The following GLDC variants were observed in gnomAD, a reference collection of about 807,000 sequenced individuals.
The protein encoded by GLDC is glycine dehydrogenase (decarboxylating), mitochondrial.
Under a neutral mutation model 121.3 loss-of-function variants are expected in GLDC, and 104 were observed. The ratio of observed to expected loss-of-function variants is 0.86; its 90% CI spans 0.73 to 1.01. GLDC has a LOEUF of 1.01. GLDC is among the 50% of genes least tolerant of loss of function. GLDC has a pLI of 0.00. For synonymous variants in GLDC, 546 were observed against 480.6 expected, an observed-to-expected ratio of 1.14 and a Z score of -1.78; for missense variants, 1,429 against 1,306.6, an observed-to-expected ratio of 1.09 and a Z score of -1.44.
chr9:6,618,501 T>G (rs1819009930), intron 3 of GLDC, among the ~76,000 whole-genome samples: 3 of 152,000 alleles, frequency 2.0e-5, no homozygotes, highest in South Asian at 4.2e-4. Context: ...GAGACAGGGT[T>G]TTTCCATGTT....
chr9:6,611,767 G>A (rs989668611), intron 3 of GLDC, among the ~76,000 whole-genome samples: 1 of 152,088 alleles, frequency 6.6e-6, no homozygotes, highest in African/African-American at 2.4e-5. Context: ...TATATCTTGT[G>A]CCTGTCTTTA....
intron 21 of GLDC, among the ~76,000 whole-genome samples, chr9:6,543,888 CA>C (rs1817326462): frequency 1.4e-5 from 2 of 147,992 alleles, no homozygotes; most frequent in South Asian, 2.1e-4. Context: ...GCAAGGAGGA[CA>C]GGAGGGGGGG....
chr9:6,566,905 A>G (rs1817865560), intron 15 of GLDC, among the ~76,000 whole-genome samples: 1 of 152,196 alleles, frequency 6.6e-6, no homozygotes, highest in South Asian at 2.1e-4. Flanking sequence ...GCACACAAAG[A>G]AACTGAGGTC....
intron 9 of GLDC, among the ~76,000 whole-genome samples, chr9:6,593,268 G>GATATATATATATATTTATATATATAT (rs1818414151): frequency 6.9e-6 from 1 of 143,918 alleles, no homozygotes; most frequent in African/African-American, 2.6e-5. Flanking sequence ...GGTAGTATCA[G>GATATATATATATATTTATATATATAT]ATATATATAT....
chr9:6,569,271 G>A (rs1817908013), intron 15 of GLDC: 1 of 152,182 alleles, frequency 6.6e-6, no homozygotes, highest in South Asian at 2.1e-4. Context: ...TGGAACGGGA[G>A]TTCAAAGAAA....
intron 21 of GLDC, among the ~76,000 whole-genome samples, chr9:6,545,728 A>C (rs1240055726): frequency 6.6e-6 from 1 of 151,518 alleles, no homozygotes; most frequent in Non-Finnish European, 1.5e-5. Flanking sequence ...GCAGCCTCCT[A>C]TTCCTGGGTT....
At chr9:6,633,689 G>A (rs181952340) in intron 2 of GLDC, among the ~76,000 whole-genome samples, 1 of 152,218 alleles carries the variant, frequency 6.6e-6, no homozygotes, top group East Asian at 1.9e-4. Flanking sequence ...GGAAGGCCAA[G>A]GAGGGTGGAT....
chr9:6,639,330 G>C (rs1050187065), intron 2 of GLDC: 2 of 933,960 alleles, frequency 2.1e-6, no homozygotes, highest in East Asian at 2.4e-5. Context: ...ATCCTCGGAA[G>C]AGCGCCCCCA....
At chr9:6,590,014 C>G (rs1818346065) in intron 11 of GLDC, among the ~76,000 whole-genome samples, 1 of 151,650 alleles carries the variant, frequency 6.6e-6, no homozygotes, top group Non-Finnish European at 1.5e-5. Context: ...GAGATCATGC[C>G]ACTGCACGCC....
intron 8 of GLDC, among the ~76,000 whole-genome samples, chr9:6,600,667 T>A (rs1388521689): frequency 6.7e-6 from 1 of 150,358 alleles, no homozygotes; most frequent in African/African-American, 2.5e-5. Context: ...AACAGGACTC[T>A]ATCTCAAAGA....
At chr9:6,586,028 G>A (rs1196676092) in intron 15 of GLDC, among the ~76,000 whole-genome samples, 1 of 152,130 alleles carries the variant, frequency 6.6e-6, no homozygotes, top group Non-Finnish European at 1.5e-5. Context: ...AGGCGTGGTG[G>A]CTCACACCTG....
At chr9:6,583,027 T>A (rs933459006) in intron 15 of GLDC, among the ~76,000 whole-genome samples, 29 of 152,258 alleles carry the variant, frequency 1.9e-4, no homozygotes, top group African/African-American at 5.5e-4. Context: ...ACTTCACACC[T>A]ACCAGAATTG....
In GLDC at chr9:6,579,203, G is replaced by C. The variant is rs184852581; in HGVS notation, c.1850+7938C>G. Among the ~76,000 whole-genome samples, 304 of 152,162 alleles carry C rather than the reference G, an allele frequency of 2.0e-3. 2 individuals carry two copies. Among genetic ancestry groups the C allele is most frequent in the African/African-American group, 7.0e-3 (291 of 41,524 alleles). ...TTTCACTGGATCTTTCAAATAATCA[G>C]TTTTTGTATTTATTAATCCTTGTGA... On this transcript the variant is annotated intron_variant, in intron 15 of 24. Transcript: ENST00000321612.
At chr9:6,635,293 A>T (rs931111005) in intron 2 of GLDC, among the ~76,000 whole-genome samples, 1 of 152,190 alleles carries the variant, frequency 6.6e-6, no homozygotes, top group African/African-American at 2.4e-5. Flanking sequence ...CAGATGGAGG[A>T]AGCTGTAGAA....
In GLDC at chr9:6,639,668, A is replaced by AAAAAATATATATATATATATATATAT; in HGVS notation, c.334+4945_334+4946insATATATATATATATATATATATTTTT. ...ATATATCTTTTCACCATAAAAAAAA[A>AAAAAATATATATATATATATATATAT]GTATATATATATATATATATGGACA... On this transcript the variant is annotated intron_variant, in intron 2 of 24. Coordinates refer to ENST00000321612, the MANE Select transcript of GLDC (RefSeq NM_000170.3). The AAAAAATATATATATATATATATATAT allele has an allele frequency of 1.6e-4, 39 of 250,588 alleles. 1 individual carries two copies. Among genetic ancestry groups the AAAAAATATATATATATATATATATAT allele is most frequent in the Admixed American group, 9.8e-4 (15 of 15,328 alleles). 15.5% of individuals were successfully genotyped at this position (250,588 alleles called of 1,614,324 possible).
intron 21 of GLDC, among the ~76,000 whole-genome samples, chr9:6,548,862 C>T (rs1223871424): frequency 6.6e-6 from 1 of 152,114 alleles, no homozygotes; most frequent in African/African-American, 2.4e-5. Context: ...TTTGCTCTCC[C>T]TTCTCACAGC....
intron 2 of GLDC, among the ~76,000 whole-genome samples, chr9:6,634,877 C>A (rs1359224836): frequency 6.6e-6 from 1 of 152,178 alleles, no homozygotes; most frequent in East Asian, 1.9e-4. Flanking sequence ...CTGCAAAACA[C>A]AGGATCAATC....
Position 6,588,702 on chromosome 9 carries a change from G to T in GLDC, c.1581C>A (p.Ser527Arg). Residue 527 changes from serine (S) to arginine (R), a missense_variant and splice_region_variant, in exon 13 of 25, where the codon AGC (serine) becomes AGA (arginine). Transcript: ENST00000321612. ...SPFLTHQVFN[S>R]YHSETNIVRY... is the part of the protein sequence containing the mutation. ...GGACAATGTTTGTTTCAGAGTGGTA[G>T]CTGTGAACACAAAACACAGAATTAG... 1 of 1,607,432 alleles carries T rather than the reference G, an allele frequency of 6.2e-7. No homozygotes were observed. The highest frequency in any genetic ancestry group is 8.5e-7 in the Non-Finnish European group (1 of 1,173,902).
chr9:6,603,799 G>A (rs1193907286), intron 7 of GLDC, among the ~76,000 whole-genome samples: 2 of 148,848 alleles, frequency 1.3e-5, no homozygotes, highest in Non-Finnish European at 3.0e-5. Flanking sequence ...GCGCGATCTC[G>A]GCTCACTGCA....
Sources: gnomAD v4.1 joint callset for allele counts (sites outside exome capture counted in the v4.1 genomes callset) on GRCh38, gnomAD v4.1.1 for gene constraint, MANE v1.5 for transcripts, NCBI Gene and HGNC (gene_info 2026-07-23, HGNC 2026-07-21) for gene names.